PRKG1: variants seen among roughly 807,000 people sequenced by gnomAD.
The protein encoded by PRKG1 is protein kinase cGMP-dependent 1, also known as cGMP-dependent protein kinase 1.
A neutral mutation model predicts 88.1 loss-of-function variants in PRKG1; 35 were observed. The observed-to-expected ratio is 0.40, with a 90% CI of 0.30 to 0.53. PRKG1 has a LOEUF of 0.53. PRKG1 is among the 20% of genes least tolerant of loss of function. PRKG1 has a pLI of 0.59. For synonymous variants in PRKG1, 303 were observed against 292.5 expected, an observed-to-expected ratio of 1.04 and a Z score of -0.37; for missense variants, 540 against 839.8, an observed-to-expected ratio of 0.64 and a Z score of 4.41.
intron 1 of PRKG1, among the ~76,000 whole-genome samples, chr10:51,100,564 G>A (rs1045895098): frequency 6.6e-6 from 1 of 152,122 alleles, no homozygotes; most frequent in African/African-American, 2.4e-5. Context: ...TGTTACAGCT[G>A]TGACTGCCAA....
intron 4 of PRKG1, among the ~76,000 whole-genome samples, chr10:51,843,638 C>A (rs1017972682): frequency 6.6e-6 from 1 of 152,178 alleles, no homozygotes; most frequent in African/African-American, 2.4e-5. Context: ...GCTGCACAGG[C>A]ATAGAAGAGC....
At chr10:51,172,644 GTATGTATC>G (rs199917269) in intron 2 of PRKG1, among the ~76,000 whole-genome samples, 6,371 of 118,606 alleles carry the variant, frequency 0.054, 200 homozygotes, top group East Asian at 0.12. Flanking sequence ...ATGTATGTAT[GTATGTATC>G]TATCTATCTA....
Position 51,938,160 on chromosome 10 carries a change from A to G in PRKG1, c.762+30590A>G, listed in dbSNP as rs562818776. Among the ~76,000 whole-genome samples, 9 of 152,078 alleles carry G rather than the reference A, an allele frequency of 5.9e-5. No individual in the cohort carries two copies. In the East Asian group the frequency reaches 1.7e-3, roughly 29 times the overall value. On this transcript the variant is annotated intron_variant, in intron 5 of 17. Transcript: ENST00000373980. ...ACCTCTCTTCATCTCACATCATCAC[A>G]AGAAGAAGGGTAAACACAGTACATT...
intron 2 of PRKG1, among the ~76,000 whole-genome samples, chr10:51,333,789 C>A (rs1017202936): frequency 2.6e-5 from 4 of 152,178 alleles, no homozygotes; most frequent in Non-Finnish European, 4.4e-5. Context: ...AAAATCCAAG[C>A]CAGTTCTATC....
At position 52,114,557 on chromosome 10, in the gene PRKG1, A is replaced by ACTATATATATATACATATATAT. The variant is rs1554805858; in HGVS notation, c.936-19283_936-19282insCTATATATATATACATATATAT. On this transcript the variant is annotated intron_variant, in intron 7 of 17. Coordinates refer to ENST00000373980, the MANE Select transcript of PRKG1 (RefSeq NM_006258.4). ...TTGAGCTCACAGGCCTAATATGCTG[A>ACTATATATATATACATATATAT]ATATATATATATATGTTTTCACTTT... Among the ~76,000 whole-genome samples, 296 of 150,026 alleles carry ACTATATATATATACATATATAT rather than the reference A, an allele frequency of 2.0e-3. 11 individuals carry two copies. The highest frequency in any genetic ancestry group is 7.1e-3 in the African/African-American group (287 of 40,334).
chr10:51,776,888 G>T (rs56380362), intron 3 of PRKG1, among the ~76,000 whole-genome samples: 1 of 152,092 alleles, frequency 6.6e-6, no homozygotes, highest in Non-Finnish European at 1.5e-5. Context: ...GATGAGGCAA[G>T]AGCAAACATG....
At chr10:52,232,136 C>T (rs2132353558) in intron 9 of PRKG1, among the ~76,000 whole-genome samples, 1 of 152,144 alleles carries the variant, frequency 6.6e-6, no homozygotes, top group South Asian at 2.1e-4. Context: ...AACCCCATCT[C>T]TACTAAAAAT....
chr10:51,380,336 C>T (rs1451568907), intron 2 of PRKG1, among the ~76,000 whole-genome samples: 1 of 152,170 alleles, frequency 6.6e-6, no homozygotes, highest in East Asian at 1.9e-4. Context: ...GCAAATGCTA[C>T]CAATGAGGGC....
chr10:51,872,727 G>T (rs530859294), intron 4 of PRKG1, among the ~76,000 whole-genome samples: 1 of 151,906 alleles, frequency 6.6e-6, no homozygotes, highest in South Asian at 2.1e-4. Flanking sequence ...ATTAATCATT[G>T]TATTCCTCAC....
chr10:51,872,108 C>T (rs1589376766), intron 4 of PRKG1, among the ~76,000 whole-genome samples: 2 of 152,296 alleles, frequency 1.3e-5, no homozygotes, highest in East Asian at 3.9e-4. Flanking sequence ...TTCATCTCCG[C>T]CTCTCCTCTG....
chr10:51,536,612 G>C (rs1039741046), intron 3 of PRKG1, among the ~76,000 whole-genome samples: 1 of 151,910 alleles, frequency 6.6e-6, no homozygotes, highest in Admixed American at 6.6e-5. Context: ...ATTTGCCAAG[G>C]CTGATGTCCA....
chr10:51,640,900 A>G (rs986237403), intron 3 of PRKG1, among the ~76,000 whole-genome samples: 2 of 152,174 alleles, frequency 1.3e-5, no homozygotes, highest in Non-Finnish European at 2.9e-5. Flanking sequence ...TAAATATCCA[A>G]GTCTCTCTTT....
At chr10:51,225,915 G>T (rs1223089652) in intron 2 of PRKG1, among the ~76,000 whole-genome samples, 1 of 152,082 alleles carries the variant, frequency 6.6e-6, no homozygotes, top group Non-Finnish European at 1.5e-5. Context: ...AATCAAAATT[G>T]ATTCTGTGCT....
Position 51,646,911 on chromosome 10 carries a change from A to G in PRKG1, c.593-157674A>G, listed in dbSNP as rs533566467. Among the ~76,000 whole-genome samples, 21 of 152,192 alleles carry G rather than the reference A, an allele frequency of 1.4e-4. No individual in the cohort carries two copies. In the South Asian group the frequency reaches 1.7e-3, roughly 12 times the overall value. On this transcript the variant is annotated intron_variant, in intron 3 of 17. Coordinates refer to ENST00000373980, the MANE Select transcript of PRKG1 (RefSeq NM_006258.4). ...CTTGTCTACTTGCCCACTTAATTCA[A>G]TGAAATTCTTCTACTAGAAGCTCAT... is the stretch of plus-strand genomic sequence containing the variant.
rs144721186 is a variant in PRKG1, at chr10:52,280,665, A to C, written c.1404-124A>C. The C allele has an allele frequency of 4.7e-4, 466 of 999,804 alleles. 10 individuals are homozygous for C. In the East Asian group the frequency reaches 0.012, roughly 26 times the overall value. The allele number at this position is 999,804 out of a possible 1,614,324, so 61.9% of individuals were successfully genotyped here. On this transcript the variant is annotated intron_variant, in intron 12 of 17. Transcript: ENST00000373980. ...AATGGCAATCATGTAACATTTAGCT[A>C]GCAGGACAGTGATCTCTGGGTTAAA...
chr10:51,513,919 A>G (rs1413214543), intron 3 of PRKG1, among the ~76,000 whole-genome samples: 3 of 134,656 alleles, frequency 2.2e-5, no homozygotes, highest in African/African-American at 8.7e-5. Flanking sequence ...TGACACCCTA[A>G]CATCACAATT....
At chr10:52,229,739 A>C (rs895295077) in intron 9 of PRKG1, among the ~76,000 whole-genome samples, 2 of 152,176 alleles carry the variant, frequency 1.3e-5, no homozygotes, top group Admixed American at 6.5e-5. Context: ...GTTGAAGGTA[A>C]GCGTCTTGTG....
At chr10:51,864,147 G>A (rs1840957027) in intron 4 of PRKG1, among the ~76,000 whole-genome samples, 1 of 152,184 alleles carries the variant, frequency 6.6e-6, no homozygotes, top group African/African-American at 2.4e-5. Context: ...ACAAGGATAA[G>A]ATGGTCACTC....
At chr10:52,026,958 C>T (rs1298542214) in intron 5 of PRKG1, among the ~76,000 whole-genome samples, 1 of 152,040 alleles carries the variant, frequency 6.6e-6, no homozygotes, top group Non-Finnish European at 1.5e-5. Context: ...GCCTGGGCGA[C>T]AGAGTAAGAC....
Sources: allele counts gnomAD v4.1 joint callset (sites outside exome capture counted in the v4.1 genomes callset), GRCh38; gene constraint gnomAD v4.1.1; transcripts MANE v1.5; gene names NCBI Gene and HGNC (gene_info 2026-07-23, HGNC 2026-07-21).